The following AK8 variants were observed in gnomAD, a reference collection of about 807,000 sequenced individuals.
The protein encoded by AK8 is ATP-AMP transphosphorylase 8.
Under a neutral mutation model 54.6 loss-of-function variants are expected in AK8, and 44 were observed. The ratio of observed to expected loss-of-function variants is 0.81; its 90% confidence interval spans 0.63 to 1.04. The LOEUF is 1.04. Among genes scored for constraint, AK8 ranks in the 50% least tolerant of loss-of-function variants. The pLI is 0.00. For missense variants in AK8, 555 were observed against 613.6 expected (o/e 0.90, Z 1.01); for synonymous variants, 239 against 245.6 (o/e 0.97, Z 0.25).
chr9:132,741,177 C>T (rs1283398226), intron 11 of AK8, among the ~76,000 whole-genome samples: 1 of 152,206 alleles, frequency 6.6e-6, no homozygotes. Flanking sequence ...AGGTATGGGG[C>T]ACAGGAGCAC....
At position 132,837,978 on chromosome 9, in the gene AK8, G is replaced by A. The variant is rs1340873423; in HGVS notation, c.403-9252C>T. Among the ~76,000 whole-genome samples the A allele has an allele frequency of 6.6e-6, 1 of 152,226 alleles. No homozygotes were observed. The highest frequency in any genetic ancestry group is 1.5e-5 in the Non-Finnish European group (1 of 68,040). ...ACAGCCAGGGCCTCAGCAGAGCTGT[G>A]GATCAATAAAACCGCACTCCTTGGA... On this transcript the variant is annotated intron_variant, in intron 5 of 12. Transcript: ENST00000298545. The surrounding 1 kb of genome is among the most constrained non-coding windows in gnomAD (Gnocchi z 4.3).
At chr9:132,749,702 G>GT (rs200136811) in intron 11 of AK8, among the ~76,000 whole-genome samples, 8,813 of 144,698 alleles carry the variant, frequency 0.061, 529 homozygotes, top group East Asian at 0.31. Context: ...CATTTACTCT[G>GT]TTTTTTTTTT....
At chr9:132,809,646 G>C (rs776256427) in intron 10 of AK8, among the ~76,000 whole-genome samples, 2 of 152,204 alleles carry the variant, frequency 1.3e-5, no homozygotes, top group Non-Finnish European at 2.9e-5. Flanking sequence ...GCCCAAATGT[G>C]ACCTGGGTTC....
intron 9 of AK8, among the ~76,000 whole-genome samples, chr9:132,822,725 C>T (rs565213099): frequency 1.3e-5 from 2 of 152,230 alleles, no homozygotes; most frequent in South Asian, 4.1e-4. Flanking sequence ...TTTATTGAAA[C>T]TGTGCGGAGT....
chr9:132,805,096 C>G (rs981198165), intron 10 of AK8, among the ~76,000 whole-genome samples: 4 of 152,176 alleles, frequency 2.6e-5, no homozygotes, highest in Non-Finnish European at 5.9e-5. Flanking sequence ...GAGAAGAAGG[C>G]CCGGGGCCTC....
chr9:132,777,427 G>A (rs1160440156), intron 11 of AK8, among the ~76,000 whole-genome samples: 2 of 152,134 alleles, frequency 1.3e-5, no homozygotes, highest in Admixed American at 6.5e-5. Context: ...GATCAGAGAC[G>A]AGCTGCTTGG....
chr9:132,823,142 A>AG, intron 9 of AK8, 63 bp downstream of exon 9: 2 of 1,477,394 alleles, frequency 1.4e-6, no homozygotes, highest in Non-Finnish European at 1.8e-6. Flanking sequence ...AGAGCTGGGG[A>AG]GGAGGGGCAG....
chr9:132,744,484 G>T lies in AK8; in HGVS notation c.1122-16950C>A, dbSNP rs186236076. On this transcript the variant is annotated intron_variant, in intron 11 of 12. Coordinates refer to ENST00000298545, the MANE Select transcript of AK8 (RefSeq NM_152572.3). ...AAGGCAAGGAGGTCATCCTCGGTCA[G>T]ATCACGCAGGTGTCAAAGAGAAACG... Among the ~76,000 whole-genome samples the T allele has an allele frequency of 1.2e-3, 187 of 151,402 alleles. 4 individuals are homozygous for T. The highest frequency in any genetic ancestry group is 2.3e-3 in the Non-Finnish European group (157 of 67,992).
At chr9:132,738,792 C>A (rs114564119) in intron 11 of AK8, among the ~76,000 whole-genome samples, 10 of 149,498 alleles carry the variant, frequency 6.7e-5, no homozygotes, top group East Asian at 2.0e-4. Flanking sequence ...CTCACTCTGC[C>A]CCCCCAGGCT....
chr9:132,874,406 T>C (rs1386673812), intron 2 of AK8: 6 of 152,376 alleles, frequency 3.9e-5, no homozygotes, highest in Non-Finnish European at 7.3e-5. Flanking sequence ...CAAGCACTAA[T>C]TTCACTGGTG....
intron 11 of AK8, among the ~76,000 whole-genome samples, chr9:132,772,228 T>C (rs936639556): frequency 3.3e-5 from 5 of 152,262 alleles, no homozygotes; most frequent in Non-Finnish European, 7.4e-5. Context: ...CTCTGGTGAT[T>C]CCCAAATTTT....
intron 3 of AK8, among the ~76,000 whole-genome samples, chr9:132,865,812 A>AAAAAAT (rs924794011): frequency 6.6e-6 from 1 of 151,724 alleles, no homozygotes; most frequent in South Asian, 2.1e-4. Flanking sequence ...ACTCTGTCTC[A>AAAAAAT]AAAAATAAAA....
chr9:132,775,365 C>T (rs1839166419), intron 11 of AK8, among the ~76,000 whole-genome samples: 1 of 152,118 alleles, frequency 6.6e-6, no homozygotes, highest in South Asian at 2.1e-4. Flanking sequence ...TGCAGTGGCG[C>T]AACCTTGGCT....
At chr9:132,768,011 A>C (rs1838794453) in intron 11 of AK8, among the ~76,000 whole-genome samples, 1 of 152,156 alleles carries the variant, frequency 6.6e-6, no homozygotes, top group Non-Finnish European at 1.5e-5. Flanking sequence ...AGTTAGATAG[A>C]AGGAATAAGT....
chr9:132,728,065 T>TG (rs1269389492), intron 11 of AK8, among the ~76,000 whole-genome samples: 1 of 152,178 alleles, frequency 6.6e-6, no homozygotes, highest in Non-Finnish European at 1.5e-5. Flanking sequence ...CATTAGATTT[T>TG]GGGTGCAATT....
intron 10 of AK8, among the ~76,000 whole-genome samples, chr9:132,802,723 A>G (rs1840523583): frequency 6.6e-6 from 1 of 152,200 alleles, no homozygotes; most frequent in African/African-American, 2.4e-5. Flanking sequence ...TGAGATCCAG[A>G]TGTAAATCCC....
Position 132,800,919 on chromosome 9 carries a change from C to CCTTT in AK8, c.980-8145_980-8144insAAAG. On this transcript the variant is annotated intron_variant, in intron 10 of 12. Transcript: ENST00000298545. ...CCAACAGTGAATATTTCAGTTTGTC[C>CCTTT]TTTTTTTTTTTTTTTTTTTTGAGAC... is the stretch of plus-strand genomic sequence containing the variant. Among the ~76,000 whole-genome samples the CCTTT allele has an allele frequency of 1.6e-5, 2 of 123,812 alleles. 1 individual carries two copies. 81.2% of individuals were successfully genotyped at this position (123,812 alleles called of 152,430 possible). A position where few individuals can be genotyped will look rare whatever the true frequency, so the allele number is the denominator to read the frequency against.
At chr9:132,839,830 G>GGGGC (rs1554801293) in intron 5 of AK8, among the ~76,000 whole-genome samples, 5 of 141,534 alleles carry the variant, frequency 3.5e-5, no homozygotes, top group African/African-American at 8.2e-5. Flanking sequence ...CGGGGGGGGG[G>GGGGC]GCGCAGGGAC....
chr9:132,871,449 T>G (rs1435338781), intron 2 of AK8, among the ~76,000 whole-genome samples: 1 of 152,010 alleles, frequency 6.6e-6, no homozygotes, highest in Admixed American at 6.6e-5. Context: ...TGTTCTAATA[T>G]CCATAAAAGC....
Sources: allele counts gnomAD v4.1 joint callset (sites outside exome capture counted in the v4.1 genomes callset), GRCh38; gene constraint gnomAD v4.1.1; non-coding constraint Gnocchi (gnomAD v3.1); transcripts MANE v1.5; gene names NCBI Gene and HGNC (gene_info 2026-07-23, HGNC 2026-07-21).